PTPRN2: variants seen among roughly 807,000 people sequenced by gnomAD.
The protein encoded by PTPRN2 is protein tyrosine phosphatase receptor type N2.
In PTPRN2, 74 loss-of-function variants were observed where a neutral mutation model predicts 118.8. The observed-to-expected ratio is 0.62, with a 90% CI of 0.52 to 0.76. PTPRN2 has a LOEUF of 0.76. PTPRN2 is among the 30% of genes least tolerant of loss of function. The pLI is 0.00. For synonymous variants in PTPRN2, 641 were observed against 608.0 expected, an observed-to-expected ratio of 1.05 and a Z score of -0.80; for missense variants, 1,481 against 1,394.4, an observed-to-expected ratio of 1.06 and a Z score of -0.99.
At chr7:158,206,163 G>A (rs1827126932) in intron 3 of PTPRN2, among the ~76,000 whole-genome samples, 1 of 152,172 alleles carries the variant, frequency 6.6e-6, no homozygotes, top group Non-Finnish European at 1.5e-5. Flanking sequence ...AGCTCCAAAA[G>A]AGACTCCTTC....
chr7:157,960,721 A>T (rs1213486455), intron 11 of PTPRN2, among the ~76,000 whole-genome samples: 1 of 152,220 alleles, frequency 6.6e-6, no homozygotes, highest in South Asian at 2.1e-4. Context: ...AAACAAAAAA[A>T]CATGGTCAGG....
intron 19 of PTPRN2, among the ~76,000 whole-genome samples, chr7:157,571,858 C>T (rs1054308668): frequency 9.3e-5 from 14 of 151,222 alleles, no homozygotes; most frequent in Non-Finnish European, 1.3e-4. Flanking sequence ...CATCTTGATT[C>T]TTCACTAAAA....
intron 11 of PTPRN2, among the ~76,000 whole-genome samples, chr7:157,935,297 C>T (rs1198498076): frequency 6.6e-6 from 1 of 152,152 alleles, no homozygotes; most frequent in Non-Finnish European, 1.5e-5. Context: ...TTGACTTTGT[C>T]CTAGAGGCCA....
intron 11 of PTPRN2, chr7:158,030,468 A>T (rs1807606920): frequency 6.6e-6 from 1 of 152,238 alleles, no homozygotes; most frequent in Non-Finnish European, 1.5e-5. Flanking sequence ...GCTCCTGTGT[A>T]TGGGATGTGA....
At chr7:158,536,313 A>AT (rs1448742171) in intron 1 of PTPRN2, among the ~76,000 whole-genome samples, 1 of 152,228 alleles carries the variant, frequency 6.6e-6, no homozygotes, top group Non-Finnish European at 1.5e-5. Context: ...AAACTTGATG[A>AT]TGTTTTCAAG....
chr7:157,912,327 ATGAAAT>A (rs1241544859), intron 11 of PTPRN2, among the ~76,000 whole-genome samples: 3 of 152,118 alleles, frequency 2.0e-5, no homozygotes, highest in Non-Finnish European at 4.4e-5. Flanking sequence ...TTCCTCTTAC[ATGAAAT>A]TTTTGTTTTG....
intron 12 of PTPRN2, among the ~76,000 whole-genome samples, chr7:157,747,185 G>GTCCGGGTGATTCTGAGGCC (rs1801012858): frequency 7.4e-6 from 1 of 134,684 alleles, no homozygotes; most frequent in African/African-American, 2.9e-5. Context: ...GCTGTGGGGT[G>GTCCGGGTGATTCTGAGGCC]TGCGGGTGAT....
intron 3 of PTPRN2, among the ~76,000 whole-genome samples, chr7:158,281,853 G>A (rs956543283): frequency 6.6e-6 from 1 of 152,250 alleles, no homozygotes; most frequent in Admixed American, 6.5e-5. Context: ...CTTTTGAGGT[G>A]TGAACAGTCT....
intron 12 of PTPRN2, among the ~76,000 whole-genome samples, chr7:157,721,034 C>A (rs1186100469): frequency 7.4e-6 from 1 of 134,670 alleles, no homozygotes; most frequent in East Asian, 2.0e-4. Flanking sequence ...CGTGGGTCCA[C>A]AGAGCTGACT....
chr7:158,192,561 C>A, intron 4 of PTPRN2, 66 bp from the exon 5 acceptor site: 1 of 1,498,806 alleles, frequency 6.7e-7, no homozygotes, highest in African/African-American at 1.5e-5. Flanking sequence ...GCTCTGTCCC[C>A]TGTGGTGCCT....
At chr7:158,085,152 C>CA (rs1813212422) in intron 10 of PTPRN2, among the ~76,000 whole-genome samples, 1 of 134,726 alleles carries the variant, frequency 7.4e-6, no homozygotes, top group African/African-American at 2.8e-5. Context: ...CATCCACACC[C>CA]TCGACGCCCA....
In PTPRN2 at chr7:157,881,664, C is replaced by T. The variant is rs1351065672; in HGVS notation, c.1788+17009G>A. Among the ~76,000 whole-genome samples the T allele has an allele frequency of 1.3e-5, 2 of 151,852 alleles. No homozygotes were observed. Among genetic ancestry groups the T allele is most frequent in the Non-Finnish European group, 2.9e-5 (2 of 68,016 alleles). On this transcript the variant is annotated intron_variant, in intron 12 of 22. Transcript: ENST00000389418. The surrounding 1 kb of genome is among the most constrained non-coding windows in gnomAD (Gnocchi z 4.7). The stretch of plus-strand genomic sequence containing the variant: ...GAGAAAGGAGAGGATTTCCTGTTTT[C>T]GTGGAACGTTAAGTCCAAGTGCTTG...
chr7:157,669,580 C>A, intron 13 of PTPRN2: 1 of 483,340 alleles, frequency 2.1e-6, no homozygotes, highest in Non-Finnish European at 4.1e-6. Context: ...CACGCACGGG[C>A]AAACAAGCCG....
intron 10 of PTPRN2, among the ~76,000 whole-genome samples, chr7:158,086,884 C>T (rs1563414849): frequency 6.6e-6 from 1 of 152,162 alleles, no homozygotes; most frequent in Admixed American, 6.5e-5. Flanking sequence ...ACATCAATAA[C>T]CTTATTATCT....
chr7:158,521,573 CAGGGG>C (rs1824020421), intron 1 of PTPRN2, among the ~76,000 whole-genome samples: 1 of 134,446 alleles, frequency 7.4e-6, no homozygotes, highest in African/African-American at 2.8e-5. Flanking sequence ...GGTACTGGCT[CAGGGG>C]GGAGGTCCAC....
intron 12 of PTPRN2, among the ~76,000 whole-genome samples, chr7:157,800,633 G>C (rs1585503183): frequency 6.6e-6 from 1 of 151,606 alleles, no homozygotes. Context: ...GAAAGAAAGA[G>C]GTTCTTTGCT....
chr7:158,149,024 C>A (rs1820556727), intron 6 of PTPRN2, among the ~76,000 whole-genome samples: 1 of 137,670 alleles, frequency 7.3e-6, no homozygotes, highest in Admixed American at 7.2e-5. Context: ...CCATCTCACG[C>A]CACGTGTCTT....
intron 10 of PTPRN2, among the ~76,000 whole-genome samples, chr7:158,101,446 C>T (rs924048191): frequency 6.6e-6 from 1 of 152,174 alleles, no homozygotes; most frequent in African/African-American, 2.4e-5. Context: ...AAAACTCTTC[C>T]AGACATTGGC....
intron 11 of PTPRN2, among the ~76,000 whole-genome samples, chr7:158,042,350 G>A (rs1662351508): frequency 6.6e-6 from 1 of 152,184 alleles, no homozygotes; most frequent in South Asian, 2.1e-4. Context: ...TCCCATCAAT[G>A]GTGAGCCGCT....
Sources: allele counts gnomAD v4.1 joint callset (sites outside exome capture counted in the v4.1 genomes callset), GRCh38; gene constraint gnomAD v4.1.1; non-coding constraint Gnocchi (gnomAD v3.1); transcripts MANE v1.5; gene names NCBI Gene and HGNC (gene_info 2026-07-23, HGNC 2026-07-21).